Variants in SLC24A2 observed in about 807,000 individuals in gnomAD.
SLC24A2 encodes solute carrier family 24 member 2.
In SLC24A2, 36 loss-of-function variants were observed where a neutral mutation model predicts 62.0. That is an observed-to-expected ratio of 0.58 (90% CI 0.44 to 0.77). SLC24A2 has a LOEUF of 0.77. Ranked by LOEUF, SLC24A2 falls within the 30% of genes least tolerant of loss-of-function variation. SLC24A2 has a pLI of 0.00. For synonymous variants in SLC24A2, 358 were observed against 294.0 expected (o/e 1.22, Z -2.23); for missense variants, 846 against 817.9 (o/e 1.03, Z -0.42).
upstream of SLC24A2, among the ~76,000 whole-genome samples, chr9:19,790,909 GGT>G (rs1212750681): frequency 1.3e-5 from 2 of 152,136 alleles, no homozygotes; most frequent in Non-Finnish European, 2.9e-5. Context: ...TATGGTTTCA[GGT>G]TTTTCCCCTA....
chr9:19,714,938 A>T (rs1166991698), intron 2 of SLC24A2, among the ~76,000 whole-genome samples: 1 of 152,172 alleles, frequency 6.6e-6, no homozygotes, highest in Non-Finnish European at 1.5e-5. Flanking sequence ...GAGAGGAAGC[A>T]AATGGAGAGA....
the SLC24A2 span, among the ~76,000 whole-genome samples, chr9:19,883,835 T>C: frequency 6.6e-6 from 1 of 152,180 alleles, no homozygotes; most frequent in Admixed American, 6.5e-5. Context: ...AACTCTACAC[T>C]GTTTTAGATG....
the SLC24A2 span, among the ~76,000 whole-genome samples, chr9:19,988,251 C>T: frequency 1.3e-5 from 2 of 152,154 alleles, no homozygotes; most frequent in African/African-American, 4.8e-5. Flanking sequence ...CAATTTAATT[C>T]CCTCTCCTCT....
At chr9:19,919,781 G>A in the SLC24A2 span, among the ~76,000 whole-genome samples, 2 of 152,040 alleles carry the variant, frequency 1.3e-5, no homozygotes, top group Admixed American at 6.5e-5. Flanking sequence ...GGCAAAGGGG[G>A]GCGGAAAGCC....
At chr9:20,252,017 T>C in the SLC24A2 span, among the ~76,000 whole-genome samples, 18 of 152,314 alleles carry the variant, frequency 1.2e-4, no homozygotes, top group Non-Finnish European at 1.9e-4. Flanking sequence ...CACCTGCCCA[T>C]TCCTAGACCA....
the SLC24A2 span, among the ~76,000 whole-genome samples, chr9:19,881,593 G>A: frequency 3.3e-5 from 5 of 152,184 alleles, no homozygotes; most frequent in Admixed American, 6.5e-5. Context: ...GAGACTGTCC[G>A]AGGGCACAGC....
At chr9:19,605,532 A>G (rs2132921540) in intron 4 of SLC24A2, among the ~76,000 whole-genome samples, 1 of 152,348 alleles carries the variant, frequency 6.6e-6, no homozygotes. Context: ...ATCGGTTCCC[A>G]TGTTATCTTA....
At position 19,521,119 on chromosome 9, in the gene SLC24A2, C is replaced by T. The variant is rs1285109190; in HGVS notation, c.1570-59G>A. The T allele has an allele frequency of 2.1e-5, 32 of 1,554,440 alleles. No individual in the cohort carries two copies. The Admixed American group carries it at 5.1e-4, about 25-fold the overall frequency. ...TTTGAAGTTACAAAATCATAAAAAT[C>T]ACAAAAATTTCAATGCGACCTCCTT... On this transcript the variant is annotated intron_variant, in intron 9 of 10. Transcript: ENST00000341998.
the SLC24A2 span, among the ~76,000 whole-genome samples, chr9:19,823,984 A>G: frequency 6.6e-6 from 1 of 152,202 alleles, no homozygotes; most frequent in Non-Finnish European, 1.5e-5. Flanking sequence ...GAAAACGGAA[A>G]CTGGACCCCT....
intron 8 of SLC24A2, among the ~76,000 whole-genome samples, chr9:19,529,217 T>A (rs1833579668): frequency 6.6e-6 from 1 of 152,198 alleles, no homozygotes; most frequent in African/African-American, 2.4e-5. Flanking sequence ...GAAATGAATT[T>A]TAGAGTTGAC....
the SLC24A2 span, among the ~76,000 whole-genome samples, chr9:20,222,239 T>A: frequency 5.3e-5 from 8 of 151,438 alleles, no homozygotes; most frequent in Non-Finnish European, 1.2e-4. Context: ...GAGAAAAGAA[T>A]GTAGAAACTG....
At chr9:19,914,436 A>C in the SLC24A2 span, among the ~76,000 whole-genome samples, 2 of 151,926 alleles carry the variant, frequency 1.3e-5, no homozygotes, top group African/African-American at 4.8e-5. Flanking sequence ...CTCTCCCACA[A>C]CTTGTATTCC....
At chr9:20,073,932 A>G in the SLC24A2 span, among the ~76,000 whole-genome samples, 1 of 147,884 alleles carries the variant, frequency 6.8e-6, no homozygotes, top group Non-Finnish European at 1.5e-5. Context: ...ATATATATAT[A>G]TATATATATG....
the SLC24A2 span, among the ~76,000 whole-genome samples, chr9:20,275,687 GTA>G: frequency 6.6e-6 from 1 of 152,184 alleles, no homozygotes; most frequent in Non-Finnish European, 1.5e-5. Flanking sequence ...TTCTACGTGT[GTA>G]TTCCTCCATT....
At chr9:20,077,180 A>G in the SLC24A2 span, among the ~76,000 whole-genome samples, 1 of 152,010 alleles carries the variant, frequency 6.6e-6, no homozygotes, top group Non-Finnish European at 1.5e-5. Flanking sequence ...CAGAGGATAC[A>G]AAGTAGCAGA....
At chr9:20,301,257 C>G in the SLC24A2 span, among the ~76,000 whole-genome samples, 2 of 152,208 alleles carry the variant, frequency 1.3e-5, no homozygotes, top group South Asian at 2.1e-4. Flanking sequence ...TCTTAGTCCC[C>G]CTTTGTCTCA....
chr9:20,236,095 G>T, the SLC24A2 span, among the ~76,000 whole-genome samples: 1 of 152,304 alleles, frequency 6.6e-6, no homozygotes, highest in East Asian at 1.9e-4. Flanking sequence ...CACAGCAAAT[G>T]AGATAGGCGG....
chr9:19,555,584 G>C (rs1586950632), intron 7 of SLC24A2, among the ~76,000 whole-genome samples: 1 of 152,126 alleles, frequency 6.6e-6, no homozygotes, highest in Non-Finnish European at 1.5e-5. Flanking sequence ...GGTGAGGCAG[G>C]CGTAAATAAA....
rs1817939857 is a variant in SLC24A2, at chr9:19,622,763, AAACTGTTATTAGTGGTTGT to A, written c.931-483_931-465del. On this transcript the variant is annotated intron_variant, in intron 2 of 10. Coordinates refer to ENST00000341998, the MANE Select transcript of SLC24A2 (RefSeq NM_020344.4). The stretch of plus-strand genomic sequence containing the variant: ...AAAAAAATTCTGAAAGAATGATACC[AAACTGTTATTAGTGGTTGT>A]TACTGGGGGATGGGATTGCAAAGAA... Among the ~76,000 whole-genome samples, 6 of 152,316 alleles carry A rather than the reference AAACTGTTATTAGTGGTTGT, an allele frequency of 3.9e-5. No homozygotes were observed. In the South Asian group the frequency reaches 1.2e-3, roughly 32 times the overall value.
Sources: gnomAD v4.1 joint callset for allele counts (sites outside exome capture counted in the v4.1 genomes callset) on GRCh38, gnomAD v4.1.1 for gene constraint, MANE v1.5 for transcripts, NCBI Gene and HGNC (gene_info 2026-07-23, HGNC 2026-07-21) for gene names.